MACROD2: variants seen among roughly 807,000 people sequenced by gnomAD.
MACROD2 encodes the protein mono-ADP ribosylhydrolase 2, also known as ADP-ribose glycohydrolase MACROD2.
A neutral mutation model predicts 70.4 loss-of-function variants in MACROD2; 36 were observed. The ratio of observed to expected loss-of-function variants is 0.51; its 90% confidence interval spans 0.39 to 0.68. The LOEUF is 0.68. MACROD2 is among the 30% of genes least tolerant of loss of function. The pLI is 0.00. For missense variants in MACROD2, 496 were observed against 538.4 expected (o/e 0.92, Z 0.78); for synonymous variants, 172 against 178.8 (o/e 0.96, Z 0.30).
chr20:13,996,841 T>C (rs2052666121), intron 1 of MACROD2, among the ~76,000 whole-genome samples: 1 of 152,250 alleles, frequency 6.6e-6, no homozygotes, highest in Admixed American at 6.5e-5. Context: ...GGGTGAGGTC[T>C]ATTGAGGGTA....
At chr20:14,230,654 T>TATATATATATATATATATATATAA in intron 3 of MACROD2, among the ~76,000 whole-genome samples, 1 of 74,240 alleles carries the variant, frequency 1.3e-5, no homozygotes, top group African/African-American at 6.8e-5. Context: ...TATATATATA[T>TATATATATATATATATATATATAA]AACACAGGCT....
intron 6 of MACROD2, among the ~76,000 whole-genome samples, chr20:15,404,997 A>G (rs1394669460): frequency 6.6e-6 from 1 of 152,234 alleles, no homozygotes; most frequent in African/African-American, 2.4e-5. Context: ...AGTGAACCTT[A>G]AAAACGTTAT....
intron 6 of MACROD2, among the ~76,000 whole-genome samples, chr20:15,311,714 A>G (rs1003223574): frequency 3.9e-5 from 6 of 152,200 alleles, no homozygotes; most frequent in East Asian, 1.9e-4. Context: ...GTTCTCACAT[A>G]TAAGTGGGAG....
At chr20:15,183,574 C>T (rs1267339239) in intron 5 of MACROD2, among the ~76,000 whole-genome samples, 1 of 152,012 alleles carries the variant, frequency 6.6e-6, no homozygotes, top group Non-Finnish European at 1.5e-5. Context: ...TTCCCCATGC[C>T]CCATACCTCT....
intron 5 of MACROD2, among the ~76,000 whole-genome samples, chr20:14,706,313 A>T (rs543014685): frequency 0.046 from 5,153 of 111,568 alleles, 105 homozygotes; most frequent in South Asian, 0.071. Context: ...ATTCTATATT[A>T]AAAAAAAAAA....
At chr20:15,457,723 C>CTCTGAG (rs1391532819) in intron 7 of MACROD2, among the ~76,000 whole-genome samples, 4 of 151,966 alleles carry the variant, frequency 2.6e-5, no homozygotes, top group Non-Finnish European at 5.9e-5. Flanking sequence ...AGTTATTTAC[C>CTCTGAG]CATTTGAGGA....
At chr20:14,425,671 C>G (rs1291438754) in intron 3 of MACROD2, among the ~76,000 whole-genome samples, 1 of 152,172 alleles carries the variant, frequency 6.6e-6, no homozygotes, top group African/African-American at 2.4e-5. Flanking sequence ...TTTCTGACCT[C>G]CTGTCCTGTG....
At chr20:15,450,651 T>C (rs539117673) in intron 7 of MACROD2, among the ~76,000 whole-genome samples, 2 of 152,292 alleles carry the variant, frequency 1.3e-5, no homozygotes, top group African/African-American at 4.8e-5. Context: ...TTTTAAACCT[T>C]CTGTCTATGG....
chr20:15,688,496 T>C (rs1046440178), intron 8 of MACROD2, among the ~76,000 whole-genome samples: 1 of 152,156 alleles, frequency 6.6e-6, no homozygotes, highest in African/African-American at 2.4e-5. Flanking sequence ...TTGAGATGTT[T>C]AGGAAAAAGT....
At chr20:15,806,476 G>GC (rs1317921401) in intron 8 of MACROD2, among the ~76,000 whole-genome samples, 1 of 152,102 alleles carries the variant, frequency 6.6e-6, no homozygotes, top group East Asian at 1.9e-4. Context: ...GACTTTTACA[G>GC]CTGCCCAGAA....
chr20:14,825,430 T>C (rs2072890635), intron 5 of MACROD2, among the ~76,000 whole-genome samples: 1 of 152,088 alleles, frequency 6.6e-6, no homozygotes, highest in South Asian at 2.1e-4. Flanking sequence ...TAAGGGCTTA[T>C]AACAAGGGCA....
chr20:14,874,752 T>G (rs1448819327), intron 5 of MACROD2, among the ~76,000 whole-genome samples: 2 of 151,874 alleles, frequency 1.3e-5, no homozygotes, highest in Non-Finnish European at 2.9e-5. Flanking sequence ...TTTCCCAGGC[T>G]GGAGTGCAGT....
intron 8 of MACROD2, among the ~76,000 whole-genome samples, chr20:15,805,192 T>C (rs1321295655): frequency 1.3e-5 from 2 of 152,088 alleles, no homozygotes; most frequent in Non-Finnish European, 2.9e-5. Context: ...AAAGGCACAG[T>C]GTGGGTTAGC....
chr20:14,388,224 G>C (rs1419338056), intron 3 of MACROD2, among the ~76,000 whole-genome samples: 2 of 151,962 alleles, frequency 1.3e-5, no homozygotes, highest in Non-Finnish European at 2.9e-5. Context: ...GTGTTCGCCA[G>C]GATGGTCTCG....
At chr20:15,663,936 A>G (rs8116129) in intron 8 of MACROD2, among the ~76,000 whole-genome samples, 13,220 of 152,212 alleles carry the variant, frequency 0.087, 1,193 homozygotes, top group African/African-American at 0.23. Flanking sequence ...AGTGGTGTGT[A>G]TAATGATAGC....
intron 5 of MACROD2, among the ~76,000 whole-genome samples, chr20:15,167,148 T>C (rs2076391546): frequency 6.6e-6 from 1 of 152,040 alleles, no homozygotes; most frequent in African/African-American, 2.4e-5. Context: ...ACACAAAAAA[T>C]ACATTGAGTT....
chr20:15,826,992 C>T (rs1416394831), intron 8 of MACROD2, among the ~76,000 whole-genome samples: 1 of 152,110 alleles, frequency 6.6e-6, no homozygotes, highest in Admixed American at 6.6e-5. Flanking sequence ...ATATGGAGCC[C>T]TGAATTATGG....
At chr20:14,073,918 C>G (rs1418835979) in intron 2 of MACROD2, among the ~76,000 whole-genome samples, 1 of 152,122 alleles carries the variant, frequency 6.6e-6, no homozygotes, top group South Asian at 2.1e-4. Flanking sequence ...CTGGACAAGC[C>G]CTTTTCTTGT....
rs114104647 is a variant in MACROD2 at position 14,192,743 on chromosome 20, C to T, written c.271+107015C>T. 7.4e-3 allele frequency among the ~76,000 whole-genome samples: 1,131 copies of T among 152,202 alleles called. 15 individuals carry two copies. Among genetic ancestry groups the T allele is most frequent in the African/African-American group, 0.025 (1,058 of 41,516 alleles). On this transcript the variant is annotated intron_variant, in intron 3 of 17. Coordinates refer to ENST00000684519, the MANE Select transcript of MACROD2 (RefSeq NM_001351661.2). ...TTGATCTCTGGGCCATCTGTTTATG[C>T]GTAGTAATTTCATAGCCTTCACAGG... is the stretch of plus-strand genomic sequence containing the variant.
Sources: allele counts gnomAD v4.1 joint callset (sites outside exome capture counted in the v4.1 genomes callset), GRCh38; gene constraint gnomAD v4.1.1; transcripts MANE v1.5; gene names NCBI Gene and HGNC (gene_info 2026-07-23, HGNC 2026-07-21).